Variants in RCN2 observed in about 807,000 individuals in gnomAD.
RCN2 encodes the protein reticulocalbin 2, also known as reticulocalbin-2.
A neutral mutation model predicts 37.5 loss-of-function variants in RCN2; 23 were observed. The observed-to-expected ratio is 0.61, with a 90% CI of 0.44 to 0.87. The LOEUF (loss-of-function observed/expected upper bound fraction) is 0.87. RCN2 is among the 40% of genes least tolerant of loss of function. The pLI, the probability that RCN2 is intolerant of heterozygous loss-of-function variation, is 0.00. For synonymous variants in RCN2, 140 were observed against 144.6 expected (o/e 0.97, Z 0.23); for missense variants, 381 against 390.4 (o/e 0.98, Z 0.20).
At position 76,949,036 on chromosome 15, in the gene RCN2, A is replaced by G. The variant is rs752488861; in HGVS notation, c.802-34A>G. The G allele has an allele frequency of 5.2e-6, 8 of 1,552,512 alleles. No individual in the cohort carries two copies. The Middle Eastern group carries it at 1.1e-3, about 205-fold the overall frequency. On this transcript the variant is annotated intron_variant, in intron 6 of 6. Transcript: ENST00000394885. ...TGTGAACATCTTGCTGAAAATACTT[A>G]TTACACTTGACACTTTTTTGTTTTA...
At chr15:76,940,106 G>GT (rs1411421040) in intron 3 of RCN2, among the ~76,000 whole-genome samples, 4 of 148,876 alleles carry the variant, frequency 2.7e-5, no homozygotes, top group Admixed American at 6.6e-5. Flanking sequence ...AGTCCTTTTG[G>GT]TTATTTTTTT....
In RCN2 at chr15:76,954,039, G is replaced by GTTTTTTTTTTTTTTTTTTTTTTTTT. The variant is rs60194309; in HGVS notation, c.*4830_*4831insTTTTTTTTTTTTTTTTTTTTTTTTT. On this transcript the variant is annotated 3_prime_UTR_variant, in exon 7 of 7. Transcript: ENST00000394885. ...TCCTTACCAACACTTGCTATTTTCT[G>GTTTTTTTTTTTTTTTTTTTTTTTTT]TTTTTTTTTTTTTCTTTTTTTTTTT... 1 of 131,000 alleles carries GTTTTTTTTTTTTTTTTTTTTTTTTT rather than the reference G, an allele frequency of 7.6e-6. No homozygotes were observed. The highest frequency in any genetic ancestry group is 1.6e-5 in the Non-Finnish European group (1 of 62,440). The allele number at this position is 131,000 out of a possible 1,614,324, so 8.1% of individuals were successfully genotyped here. A position where few individuals can be genotyped will look rare whatever the true frequency, so the allele number is the denominator to read the frequency against.
intron 1 of RCN2, 71 bp downstream of exon 1, chr15:76,932,056 C>G (rs1325497516): frequency 8.1e-7 from 1 of 1,237,688 alleles, no homozygotes; most frequent in East Asian, 3.3e-5. Context: ...TGTCCCGGGA[C>G]AAAGGGGGGC....
chr15:76,948,507 G>A lies in RCN2; in HGVS notation c.756G>A (p.Leu252=). 1.9e-6 allele frequency: 3 copies of A among 1,607,098 alleles called. No homozygotes were observed. The South Asian group carries it at 3.3e-5, about 18-fold the overall frequency. ...DNDGRLDPQE[L]LPWVVPNNQG... is the part of the protein sequence containing the mutation. ...ATGGCAGGCTTGATCCCCAAGAGCT[G>A]TTACCTTGGGTAGTACCTAATAATC... Residue 252 remains leucine (L), a synonymous_variant, in exon 6 of 7, where the codon CTG becomes CTA. Coordinates refer to ENST00000394885, the MANE Select transcript of RCN2 (RefSeq NM_002902.3).
intron 4 of RCN2, 113 bp downstream of exon 4, chr15:76,943,984 C>CT (rs11361216): frequency 0.012 from 1,190 of 96,326 alleles, 79 homozygotes; most frequent in South Asian, 0.029. Context: ...ATACATGAGA[C>CT]TTTTTTTTTT....
Position 76,947,491 on chromosome 15 carries a change from T to A in RCN2, c.632T>A (p.Phe211Tyr). 1 of 1,609,072 alleles carries A rather than the reference T, an allele frequency of 6.2e-7. No homozygotes were observed. The highest frequency in any genetic ancestry group is 8.5e-7 in the Non-Finnish European group (1 of 1,177,132). ...GATGGATTTGTTAGTTTGGAAGAAT[T>A]TCTTGGTGATTACAGGTGGGATCCA... The part of the protein sequence containing the change: ...NGDGFVSLEE[F>Y]LGDYRWDPTA... The change falls in exon 5 of 7, where the codon TTT becomes TAT. Residue 211 changes from phenylalanine to tyrosine, a missense_variant. Phe to Tyr is a conservative substitution (Grantham distance 22). Transcript: ENST00000394885.
At position 76,949,486 on chromosome 15, in the gene RCN2, C is replaced by G. The variant is rs938271979; in HGVS notation, c.*264C>G. 3 of 249,000 alleles carry G rather than the reference C, an allele frequency of 1.2e-5. No individual in the cohort carries two copies. The highest frequency in any genetic ancestry group is 2.3e-5 in the Non-Finnish European group (3 of 131,896). The allele number at this position is 249,000 out of a possible 1,614,324, so 15.4% of individuals were successfully genotyped here. On this transcript the variant is annotated 3_prime_UTR_variant, in exon 7 of 7. Transcript: ENST00000394885. ...TCCTAAATACTCCATCTGTTTAGTA[C>G]TGTATTGTGGAATATTTGAGTTCTA...
chr15:76,931,916 C>T lies in RCN2; in HGVS notation c.75C>T (p.Ala25=). 2.3e-6 allele frequency: 3 copies of T among 1,328,832 alleles called. No homozygotes were observed. Among genetic ancestry groups the T allele is most frequent in the Non-Finnish European group, 2.9e-6 (3 of 1,038,454 alleles). 82.3% of individuals were successfully genotyped at this position (1,328,832 alleles called of 1,614,324 possible). A position where few individuals can be genotyped will look rare whatever the true frequency, so the allele number is the denominator to read the frequency against. The change falls in exon 1 of 7, where the codon GCC becomes GCT. Residue 25 remains alanine, a synonymous_variant. Transcript: ENST00000394885. The part of the protein sequence containing the change: ...LCAAAAGAGK[A]EELHYPLGER... ...CCGCCGCGGCCGGCGCCGGCAAGGC[C>T]GAGGAGCTGCACTACCCGCTGGGCG...
rs980232548 is a variant in RCN2, at chr15:76,953,298, C to T, written c.*4076C>T. ...ATTTGTCTTTTTGTGAGTGGCTTCA[C>T]TTAGCATAACGTCCCCAAAGTTCAC... On this transcript the variant is annotated 3_prime_UTR_variant, in exon 7 of 7. Coordinates refer to ENST00000394885, the MANE Select transcript of RCN2 (RefSeq NM_002902.3). 1.3e-5 allele frequency: 2 copies of T among 151,960 alleles called. No homozygotes were observed. The highest frequency in any genetic ancestry group is 2.9e-5 in the Non-Finnish European group (2 of 67,992). The allele number at this position is 151,960 out of a possible 1,614,324, so 9.4% of individuals were successfully genotyped here.
intron 3 of RCN2, among the ~76,000 whole-genome samples, chr15:76,937,936 C>T (rs1029651751): frequency 6.6e-6 from 1 of 152,038 alleles, no homozygotes; most frequent in Non-Finnish European, 1.5e-5. Flanking sequence ...TATTTCAAAG[C>T]TAATTTTAAA....
At chr15:76,948,655 TG>T in intron 6 of RCN2, 103 bp downstream of exon 6, 1 of 1,158,616 alleles carries the variant, frequency 8.6e-7, no homozygotes. Context: ...AAAGAAGTAA[TG>T]GAGTTATTTG....
intron 3 of RCN2, among the ~76,000 whole-genome samples, chr15:76,938,217 A>G (rs1465141025): frequency 6.6e-6 from 1 of 152,222 alleles, no homozygotes; most frequent in Non-Finnish European, 1.5e-5. Context: ...CTGTTTTGGT[A>G]TATACCTTTT....
Position 76,953,048 on chromosome 15 carries a change from C to T in RCN2, c.*3826C>T, listed in dbSNP as rs577178382. ...TCCCAGGTTCAAGCGATTCTCCTGC[C>T]TCAGCCTCCCAAGTAGCTGGGATTA... On this transcript the variant is annotated 3_prime_UTR_variant, in exon 7 of 7. Transcript: ENST00000394885. 1.3e-5 allele frequency: 2 copies of T among 153,038 alleles called. No individual in the cohort carries two copies. Among genetic ancestry groups the T allele is most frequent in the South Asian group, 2.1e-4 (1 of 4,842 alleles). The allele number at this position is 153,038 out of a possible 1,614,324, so 9.5% of individuals were successfully genotyped here. A position where few individuals can be genotyped will look rare whatever the true frequency, so the allele number is the denominator to read the frequency against.
chr15:76,944,441 C>G (rs938731482), intron 4 of RCN2, among the ~76,000 whole-genome samples: 9 of 152,100 alleles, frequency 5.9e-5, no homozygotes. Flanking sequence ...ATAGTCAACC[C>G]TGTTATGCTG....
intron 3 of RCN2, 21 bp downstream of exon 3, chr15:76,935,743 T>C: frequency 1.3e-6 from 2 of 1,584,356 alleles, no homozygotes; most frequent in South Asian, 1.1e-5. Flanking sequence ...GTGCACAAGC[T>C]GTTTCTTTTG....
At chr15:76,945,338 A>G (rs1218650430) in intron 4 of RCN2, among the ~76,000 whole-genome samples, 6 of 152,112 alleles carry the variant, frequency 3.9e-5, no homozygotes, top group Admixed American at 3.9e-4. Context: ...AACATCACTT[A>G]TGAAAGCTTT....
At chr15:76,933,764 A>G (rs963218135) in intron 2 of RCN2, among the ~76,000 whole-genome samples, 2 of 152,158 alleles carry the variant, frequency 1.3e-5, no homozygotes, top group African/African-American at 4.8e-5. Context: ...AATAAACTAG[A>G]AGAAAGATTC....
chr15:76,943,693 A>G, intron 3 of RCN2, 65 bp from the exon 4 acceptor site: 1 of 847,802 alleles, frequency 1.2e-6, no homozygotes, highest in Non-Finnish European at 1.9e-6. Flanking sequence ...AATTTCACAT[A>G]GTTTGTATTT....
In RCN2 at chr15:76,935,742, C is replaced by G. The variant is rs374767353; in HGVS notation, c.447+20C>G. On this transcript the variant is annotated intron_variant, in intron 3 of 6. Coordinates refer to ENST00000394885, the MANE Select transcript of RCN2 (RefSeq NM_002902.3). ...AGGAAGGTGAGTTCATGTGCACAAGCTGTTTCTTTTGATCATGTCAGTTCA... is the reference window on the plus strand; with the variant it reads ...AGGAAGGTGAGTTCATGTGCACAAGGTGTTTCTTTTGATCATGTCAGTTCA... The G allele has an allele frequency of 4.8e-5, 77 of 1,588,148 alleles. No homozygotes were observed. In the African/African-American group the frequency reaches 9.3e-4, roughly 19 times the overall value.
Sources: allele counts gnomAD v4.1 joint callset (sites outside exome capture counted in the v4.1 genomes callset), GRCh38; gene constraint gnomAD v4.1.1; transcripts MANE v1.5; gene names NCBI Gene and HGNC (gene_info 2026-07-23, HGNC 2026-07-21).